DLG2: variants seen among roughly 807,000 people sequenced by gnomAD.
DLG2 encodes the protein discs large MAGUK scaffold protein 2.
A neutral mutation model predicts 132.5 loss-of-function variants in DLG2; 45 were observed. That is an observed-to-expected ratio of 0.34 (90% confidence interval 0.27 to 0.44). DLG2 has a LOEUF of 0.44. DLG2 is among the 20% of genes least tolerant of loss of function. The pLI, the probability that DLG2 is intolerant of heterozygous loss-of-function variation, is 1.00. For missense variants in DLG2, 1,045 were observed against 1,196.9 expected, an observed-to-expected ratio of 0.87 and a Z score of 1.87; for synonymous variants, 424 against 419.6, an observed-to-expected ratio of 1.01 and a Z score of -0.13.
At chr11:83,512,689 C>T (rs569015578) in intron 21 of DLG2, among the ~76,000 whole-genome samples, 3 of 152,016 alleles carry the variant, frequency 2.0e-5, no homozygotes, top group Non-Finnish European at 4.4e-5. Context: ...CCCTTCCCCC[C>T]ACCCCACAAC....
At chr11:84,259,032 G>A (rs1297033918) in intron 7 of DLG2, among the ~76,000 whole-genome samples, 1 of 152,140 alleles carries the variant, frequency 6.6e-6, no homozygotes, top group Non-Finnish European at 1.5e-5. Context: ...AGTGCTTCGG[G>A]ATGCCAAGCC....
chr11:84,500,238 A>G (rs1432429594), intron 7 of DLG2, among the ~76,000 whole-genome samples: 1 of 152,082 alleles, frequency 6.6e-6, no homozygotes, highest in African/African-American at 2.4e-5. Context: ...TGTGAGCTCA[A>G]TTCTCTCCTG....
chr11:84,947,147 T>C (rs2050322002), intron 6 of DLG2, among the ~76,000 whole-genome samples: 1 of 152,204 alleles, frequency 6.6e-6, no homozygotes, highest in Admixed American at 6.5e-5. Flanking sequence ...CTTCCTTCTT[T>C]AGTGTCTCCT....
intron 6 of DLG2, among the ~76,000 whole-genome samples, chr11:84,908,284 T>A (rs1305363415): frequency 6.6e-6 from 1 of 152,190 alleles, no homozygotes. Context: ...ATTCAACATA[T>A]AATCAAAGAT....
intron 6 of DLG2, among the ~76,000 whole-genome samples, chr11:85,053,826 G>T (rs1014270455): frequency 6.7e-6 from 1 of 149,286 alleles, no homozygotes; most frequent in Non-Finnish European, 1.5e-5. Flanking sequence ...AAAAATTCAT[G>T]GTGAGTACAA....
At chr11:84,739,329 G>C (rs527612281) in intron 6 of DLG2, among the ~76,000 whole-genome samples, 2 of 152,012 alleles carry the variant, frequency 1.3e-5, no homozygotes, top group African/African-American at 4.8e-5. Flanking sequence ...TTTAATCAAA[G>C]TAACTCCCAA....
chr11:83,508,144 C>G (rs925273070), intron 21 of DLG2, among the ~76,000 whole-genome samples: 1 of 152,084 alleles, frequency 6.6e-6, no homozygotes, highest in Non-Finnish European at 1.5e-5. Flanking sequence ...AGGATCAATA[C>G]TTTGCATCCT....
At chr11:85,285,478 C>T in intron 3 of DLG2, 113 bp from the exon 4 acceptor site, 2 of 905,158 alleles carry the variant, frequency 2.2e-6, no homozygotes, top group Non-Finnish European at 1.6e-6. Flanking sequence ...AAAAGAACTG[C>T]ATAAATATAT....
At chr11:84,951,295 G>A (rs989696759) in intron 6 of DLG2, among the ~76,000 whole-genome samples, 3 of 152,096 alleles carry the variant, frequency 2.0e-5, no homozygotes, top group South Asian at 4.1e-4. Flanking sequence ...TTAAAGATGA[G>A]ACATGAAGTT....
At chr11:84,251,068 T>G (rs2097365766) in intron 8 of DLG2, among the ~76,000 whole-genome samples, 170 bp downstream of exon 8, 1 of 152,194 alleles carries the variant, frequency 6.6e-6, no homozygotes, top group African/African-American at 2.4e-5. Flanking sequence ...AGGGAAATAT[T>G]TGATGACTAA....
intron 10 of DLG2, among the ~76,000 whole-genome samples, chr11:84,095,891 C>T (rs957501266): frequency 6.6e-6 from 1 of 152,106 alleles, no homozygotes; most frequent in South Asian, 2.1e-4. Flanking sequence ...AGGCAATATT[C>T]ATATACACAG....
In DLG2 at chr11:83,469,635, A is replaced by C. The variant is rs539996133; in HGVS notation, c.2447-262T>G. 5.9e-5 allele frequency among the ~76,000 whole-genome samples: 9 copies of C among 152,302 alleles called. No individual in the cohort carries two copies. The East Asian group carries it at 1.7e-3, about 29-fold the overall frequency. On this transcript the variant is annotated intron_variant, in intron 24 of 27. Coordinates refer to ENST00000376104, the MANE Select transcript of DLG2 (RefSeq NM_001142699.3). ...CTTTGAGAAAAGAGAAACATATGAG[A>C]GAGCATTCACCCCACCTCTCTACCT...
At chr11:83,991,044 A>G (rs1206443385) in intron 11 of DLG2, among the ~76,000 whole-genome samples, 1 of 152,186 alleles carries the variant, frequency 6.6e-6, no homozygotes, top group Non-Finnish European at 1.5e-5. Flanking sequence ...ACTACTTGTC[A>G]TCTCTTCCTT....
intron 6 of DLG2, among the ~76,000 whole-genome samples, chr11:84,913,014 G>C (rs922810038): frequency 1.3e-5 from 2 of 152,160 alleles, no homozygotes; most frequent in East Asian, 3.9e-4. Flanking sequence ...GAAAAAATGA[G>C]AGCCTCCACT....
chr11:84,492,602 C>G (rs1251439525), intron 7 of DLG2, among the ~76,000 whole-genome samples: 1 of 152,136 alleles, frequency 6.6e-6, no homozygotes, highest in Admixed American at 6.6e-5. Context: ...TCACATATAA[C>G]TCACAGAAGT....
chr11:84,854,326 C>A lies in DLG2; in HGVS notation c.357+257335G>T, dbSNP rs148696650. Among the ~76,000 whole-genome samples the A allele has an allele frequency of 4.2e-4, 63 of 151,564 alleles. 2 individuals carry two copies. The highest frequency in any genetic ancestry group is 1.5e-3 in the African/African-American group (61 of 41,348). ...AAAAGTTTTTCTTTTTTTTTTAAAC[C>A]CCTCTGAGCATCAGTTTCCTCATTT... On this transcript the variant is annotated intron_variant, in intron 6 of 27. Coordinates refer to ENST00000376104, the MANE Select transcript of DLG2 (RefSeq NM_001142699.3).
At chr11:84,264,952 T>G (rs958845365) in intron 7 of DLG2, among the ~76,000 whole-genome samples, 2 of 152,184 alleles carry the variant, frequency 1.3e-5, no homozygotes, top group East Asian at 1.9e-4. Flanking sequence ...TATATACAAC[T>G]ATAATGAGAA....
chr11:85,401,572 T>C (rs969833345), intron 3 of DLG2, among the ~76,000 whole-genome samples: 6 of 152,188 alleles, frequency 3.9e-5, no homozygotes, highest in Admixed American at 6.5e-5. Flanking sequence ...GATGACATGA[T>C]TGTATATTTA....
At chr11:85,279,253 A>G (rs777831132) in intron 4 of DLG2, among the ~76,000 whole-genome samples, 2 of 152,150 alleles carry the variant, frequency 1.3e-5, no homozygotes, top group African/African-American at 4.8e-5. Flanking sequence ...GTTTCACTTT[A>G]CATAGCAACC....
Sources: gnomAD v4.1 joint callset for allele counts (sites outside exome capture counted in the v4.1 genomes callset) on GRCh38, gnomAD v4.1.1 for gene constraint, MANE v1.5 for transcripts, NCBI Gene and HGNC (gene_info 2026-07-23, HGNC 2026-07-21) for gene names.